UGT3A1: variants seen among roughly 807,000 people sequenced by gnomAD.
UGT3A1 encodes the protein UDP-glycosyltransferase 3A1.
In UGT3A1, 40 loss-of-function variants were observed where a neutral mutation model predicts 37.6. That is an observed-to-expected ratio of 1.06 (90% CI 0.83 to 1.38). The LOEUF is 1.38. Among genes scored for constraint, UGT3A1 ranks in the 40% most tolerant of loss-of-function variants. UGT3A1 has a pLI of 0.00. For missense variants in UGT3A1, 642 were observed against 634.2 expected (o/e 1.01, Z -0.13); for synonymous variants, 256 against 232.3 (o/e 1.10, Z -0.93).
chr5:35,954,229 A>T lies in UGT3A1; in HGVS notation c.1545T>A (p.Arg515=). The T allele has an allele frequency of 6.2e-7, 1 of 1,614,108 alleles. No homozygotes were observed. The highest frequency in any genetic ancestry group is 1.3e-5 in the African/African-American group (1 of 75,024). ...ATGTCTTCTTCACCTTCCTGGCCCC[A>T]CGCAGCCACCTGGCCACCACACCCA... ...KLLGVVARWL[R]GARKVKKT The change falls in exon 7 of 7, where the codon CGT becomes CGA. Residue 515 remains arginine, a synonymous_variant. Transcript: ENST00000274278.
intron 2 of UGT3A1, among the ~76,000 whole-genome samples, chr5:35,984,472 A>ATTTTT (rs35556767): frequency 1.5e-5 from 2 of 135,490 alleles, no homozygotes; most frequent in African/African-American, 5.6e-5. Context: ...ATCTCACAGA[A>ATTTTT]TTTTTTTTTT....
chr5:35,998,563 C>G (rs567733409), intron 1 of UGT3A1, among the ~76,000 whole-genome samples: 9 of 152,210 alleles, frequency 5.9e-5, no homozygotes, highest in Non-Finnish European at 1.3e-4. Context: ...CTTGCTGGGA[C>G]TTTTCGACAA....
At chr5:35,974,186 G>T (rs1308871409) in intron 2 of UGT3A1, among the ~76,000 whole-genome samples, 4 of 152,076 alleles carry the variant, frequency 2.6e-5, no homozygotes, top group Non-Finnish European at 5.9e-5. Context: ...TACTAGTGTG[G>T]CTAGGCATTG....
chr5:35,955,139 T>C, intron 6 of UGT3A1: 1 of 174,794 alleles, frequency 5.7e-6, no homozygotes, highest in Non-Finnish European at 1.2e-5. Flanking sequence ...AAATAGTATA[T>C]TATGATTAGG....
intron 2 of UGT3A1, among the ~76,000 whole-genome samples, chr5:35,976,325 G>C (rs1055885899): frequency 6.6e-6 from 1 of 152,088 alleles, no homozygotes; most frequent in East Asian, 1.9e-4. Flanking sequence ...TTGCATTATA[G>C]AAGATCTCTT....
At chr5:35,964,403 C>T (rs1390842429) in intron 4 of UGT3A1, among the ~76,000 whole-genome samples, 1 of 152,108 alleles carries the variant, frequency 6.6e-6, no homozygotes, top group Non-Finnish European at 1.5e-5. Context: ...AGGTCCCCCG[C>T]TCCCTGACCT....
At chr5:35,975,983 G>C (rs1460273780) in intron 2 of UGT3A1, among the ~76,000 whole-genome samples, 1 of 152,070 alleles carries the variant, frequency 6.6e-6, no homozygotes, top group African/African-American at 2.4e-5. Context: ...AAGGATTCAT[G>C]GGTTCAGGTA....
chr5:35,969,966 C>T (rs1739968154), intron 2 of UGT3A1, among the ~76,000 whole-genome samples: 1 of 152,152 alleles, frequency 6.6e-6, no homozygotes, highest in Admixed American at 6.5e-5. Flanking sequence ...ATTTAATAGA[C>T]TTACAGTTCC....
At chr5:35,999,565 A>G (rs1741174305) in intron 1 of UGT3A1, among the ~76,000 whole-genome samples, 1 of 152,226 alleles carries the variant, frequency 6.6e-6, no homozygotes, top group Admixed American at 6.5e-5. Context: ...TAATAAATCC[A>G]TTATTCCAAT....
intron 2 of UGT3A1, among the ~76,000 whole-genome samples, chr5:35,975,616 T>C (rs912504842): frequency 2.6e-5 from 4 of 152,210 alleles, no homozygotes; most frequent in African/African-American, 9.6e-5. Flanking sequence ...CGTCTTACCA[T>C]GTTCCCCACC....
intron 1 of UGT3A1, among the ~76,000 whole-genome samples, chr5:35,999,308 A>G (rs545579327): frequency 6.6e-6 from 1 of 151,994 alleles, no homozygotes; most frequent in East Asian, 1.9e-4. Flanking sequence ...AACGTTTGGC[A>G]ATTATAAAAA....
intron 2 of UGT3A1, among the ~76,000 whole-genome samples, chr5:35,975,358 G>C (rs186335530): frequency 6.6e-6 from 1 of 152,204 alleles, no homozygotes; most frequent in Non-Finnish European, 1.5e-5. Flanking sequence ...AGCTATCCAG[G>C]TAGCAGATTG....
intron 2 of UGT3A1, among the ~76,000 whole-genome samples, chr5:35,975,465 T>G (rs771740714): frequency 6.6e-6 from 1 of 152,226 alleles, no homozygotes; most frequent in Admixed American, 6.5e-5. Context: ...CTTCATGCAA[T>G]GCTTCCACCA....
upstream of UGT3A1, among the ~76,000 whole-genome samples, chr5:35,994,519 G>T (rs1001880447): frequency 2.0e-5 from 3 of 152,016 alleles, no homozygotes; most frequent in Admixed American, 1.3e-4. Context: ...ATCACATGAG[G>T]GTGATGGAGA....
chr5:35,961,441 T>C (rs1415058364), intron 4 of UGT3A1: 1 of 152,234 alleles, frequency 6.6e-6, no homozygotes, highest in Non-Finnish European at 1.5e-5. Flanking sequence ...AAGTGTATTA[T>C]ACAAGAAAAT....
chr5:35,971,400 A>C (rs1237118291), intron 2 of UGT3A1, among the ~76,000 whole-genome samples: 1 of 152,086 alleles, frequency 6.6e-6, no homozygotes, highest in Non-Finnish European at 1.5e-5. Flanking sequence ...CATTCCCAGC[A>C]TAATAGCATG....
intron 2 of UGT3A1, among the ~76,000 whole-genome samples, chr5:35,971,003 G>A (rs1173405884): frequency 6.6e-6 from 1 of 150,944 alleles, no homozygotes; most frequent in Non-Finnish European, 1.5e-5. Flanking sequence ...TGACAAATAT[G>A]TTCCATTCAA....
chr5:35,974,056 G>C (rs1191087694), intron 2 of UGT3A1, among the ~76,000 whole-genome samples: 1 of 152,136 alleles, frequency 6.6e-6, no homozygotes, highest in Non-Finnish European at 1.5e-5. Flanking sequence ...ACAGTTTATG[G>C]ACACAGAAGC....
chr5:35,953,899 T>A lies in UGT3A1; in HGVS notation c.*303A>T. 3.4e-6 allele frequency: 1 copy of A among 290,300 alleles called. No individual in the cohort carries two copies. The highest frequency in any genetic ancestry group is 6.4e-6 in the Non-Finnish European group (1 of 155,472). 18.0% of individuals were successfully genotyped at this position (290,300 alleles called of 1,614,324 possible). The stretch of plus-strand genomic sequence containing the variant: ...GAAATGGGGACTGGAAACTGGGAAG[T>A]CATCTAAACAAGGAGGATGAAGTTG... On this transcript the variant is annotated 3_prime_UTR_variant, in exon 7 of 7. Transcript: ENST00000274278.
Sources: gnomAD v4.1 joint callset for allele counts (sites outside exome capture counted in the v4.1 genomes callset) on GRCh38, gnomAD v4.1.1 for gene constraint, MANE v1.5 for transcripts, NCBI Gene and HGNC (gene_info 2026-07-23, HGNC 2026-07-21) for gene names.